Variants in IK observed in about 807,000 individuals in gnomAD.
IK encodes protein Red.
In IK, 47 loss-of-function variants were observed where a neutral mutation model predicts 90.9. The observed-to-expected ratio is 0.52, with a 90% CI of 0.41 to 0.66. The LOEUF (loss-of-function observed/expected upper bound fraction) is 0.66. Ranked by LOEUF, IK falls within the 30% of genes least tolerant of loss-of-function variation. The pLI is 0.00. For missense variants in IK, 385 were observed against 709.3 expected (o/e 0.54, Z 5.19); for synonymous variants, 201 against 227.5 (o/e 0.88, Z 1.05).
intron 10 of IK, 77 bp downstream of exon 10, chr5:140,657,739 C>T: frequency 1.1e-6 from 1 of 897,476 alleles, no homozygotes; most frequent in Middle Eastern, 2.2e-4. Flanking sequence ...CTGGAGCTTT[C>T]TGTCTCCAGA....
In IK at chr5:140,661,377, GGAGA is replaced by G. The variant is rs1757801212; in HGVS notation, c.1414-240_1414-237del. 2 of 454,702 alleles carry G rather than the reference GGAGA, an allele frequency of 4.4e-6. No individual in the cohort carries two copies. The highest frequency in any genetic ancestry group is 4.0e-5 in the African/African-American group (2 of 49,494). The allele number at this position is 454,702 out of a possible 1,614,324, so 28.2% of individuals were successfully genotyped here. On this transcript the variant is annotated intron_variant, in intron 16 of 19. Transcript: ENST00000417647. The surrounding 1 kb of genome is among the most constrained non-coding windows in gnomAD (Gnocchi z 4.2). ...GCCTCAGTTTCCTCATCAGGAAAAT[GGAGA>G]GAAATATAGTTCCCTCTTCATAGAT...
intron 9 of IK, among the ~76,000 whole-genome samples, chr5:140,656,658 ATATT>A (rs1757716123): frequency 6.6e-6 from 1 of 152,188 alleles, no homozygotes; most frequent in African/African-American, 2.4e-5. Context: ...GTAGGTATAT[ATATT>A]TATGAGGTAC....
rs932944540 is a variant in IK, at chr5:140,652,646, G to T, written c.237-331G>T. Among the ~76,000 whole-genome samples, 106 of 152,230 alleles carry T rather than the reference G, an allele frequency of 7.0e-4. 2 individuals are homozygous for T. Among genetic ancestry groups the T allele is most frequent in the Admixed American group, 6.9e-3 (105 of 15,306 alleles). On this transcript the variant is annotated intron_variant, in intron 4 of 19. Transcript: ENST00000417647. ...CGTTCTTTTCAGCTGAAATTTAGAAGGTGGTAAAAATTCAGAAGATTTTCT... is the reference window on the plus strand; with the variant it reads ...CGTTCTTTTCAGCTGAAATTTAGAATGTGGTAAAAATTCAGAAGATTTTCT...
chr5:140,654,457 A>G (rs1036196549), intron 6 of IK, 59 bp from the exon 7 acceptor site: 2 of 1,247,954 alleles, frequency 1.6e-6, no homozygotes, highest in African/African-American at 1.5e-5. Flanking sequence ...AGTGTGGTGT[A>G]GTGGATGTTC....
intron 2 of IK, among the ~76,000 whole-genome samples, chr5:140,650,236 A>G (rs1757592558): frequency 6.6e-6 from 1 of 152,084 alleles, no homozygotes; most frequent in South Asian, 2.1e-4. Context: ...AATGGTCTTG[A>G]CTCTTGTTAC....
At chr5:140,648,741 G>GT (rs56094200) in intron 2 of IK, 77,969 of 458,364 alleles carry the variant, frequency 0.17, 1 homozygote, top group South Asian at 0.23. Context: ...AAGGTGTTAA[G>GT]TTTTTTTTTT....
chr5:140,656,028 G>A, intron 9 of IK, 36 bp downstream of exon 9: 1 of 1,546,370 alleles, frequency 6.5e-7, no homozygotes, highest in Non-Finnish European at 8.7e-7. Flanking sequence ...TATCATGTGA[G>A]CCTCAAGCCT....
chr5:140,661,581 T>G lies in IK; in HGVS notation c.1414-39T>G, dbSNP rs1324992003. ...GGCTGAAATTCCATTTCCACTGACATCTCTTCCTTCCCCATCCCCCGATTC... is the reference window on the plus strand; with the variant it reads ...GGCTGAAATTCCATTTCCACTGACAGCTCTTCCTTCCCCATCCCCCGATTC... On this transcript the variant is annotated intron_variant, in intron 16 of 19. Coordinates refer to ENST00000417647, the MANE Select transcript of IK (RefSeq NM_006083.4). The surrounding 1 kb of genome is among the most constrained non-coding windows in gnomAD (Gnocchi z 4.2). 2.1e-6 allele frequency: 3 copies of G among 1,415,000 alleles called. No individual in the cohort carries two copies. The highest frequency in any genetic ancestry group is 1.4e-5 in the African/African-American group (1 of 70,640). 87.7% of individuals were successfully genotyped at this position (1,415,000 alleles called of 1,614,324 possible).
At chr5:140,651,947 T>G in intron 3 of IK, 141 bp downstream of exon 3, 1 of 825,962 alleles carries the variant, frequency 1.2e-6, no homozygotes, top group Non-Finnish European at 2.1e-6. Flanking sequence ...CACCTACAAA[T>G]ATTGGTGTGG....
At chr5:140,657,235 C>T (rs1305829262) in intron 9 of IK, among the ~76,000 whole-genome samples, 1 of 152,134 alleles carries the variant, frequency 6.6e-6, no homozygotes, top group African/African-American at 2.4e-5. Context: ...ATTTTTGTCT[C>T]ACTACAGTTT....
At position 140,648,565 on chromosome 5, in the gene IK, A is replaced by AGGG. The variant is rs759891472; in HGVS notation, c.83+28_83+29insGGG. ...GAGTATTTTGTGCTAGGACCATGGA[A>AGGG]ATGAGTTGGGCAATGAATAGAAAAG... On this transcript the variant is annotated intron_variant, in intron 2 of 19. Coordinates refer to ENST00000417647, the MANE Select transcript of IK (RefSeq NM_006083.4). 46 of 1,599,710 alleles carry AGGG rather than the reference A, an allele frequency of 2.9e-5. No individual in the cohort carries two copies. The African/African-American group carries it at 6.0e-4, about 21-fold the overall frequency.
chr5:140,656,819 C>G (rs961668679), intron 9 of IK, among the ~76,000 whole-genome samples: 2 of 152,188 alleles, frequency 1.3e-5, no homozygotes, highest in Non-Finnish European at 2.9e-5. Flanking sequence ...TTATTACTGC[C>G]TATAGTCACC....
At position 140,661,808 on chromosome 5, in the gene IK, C is replaced by T; in HGVS notation, c.1503-91C>T. 7.1e-7 allele frequency: 1 copy of T among 1,401,550 alleles called. No individual in the cohort carries two copies. Among genetic ancestry groups the T allele is most frequent in the Non-Finnish European group, 9.9e-7 (1 of 1,009,060 alleles). The allele number at this position is 1,401,550 out of a possible 1,614,324, so 86.8% of individuals were successfully genotyped here. On this transcript the variant is annotated intron_variant, in intron 17 of 19. Transcript: ENST00000417647. This position sits in a 1 kb window ranked among gnomAD's most constrained non-coding sequence, Gnocchi z 4.2. ...GAGGGTGTGGTCTGGCTGAGATGTT[C>T]CCCACTAAGTTCTTTGCCCACAGGA...
chr5:140,654,825 C>T (rs955773060), intron 8 of IK, 98 bp downstream of exon 8: 8 of 793,376 alleles, frequency 1.0e-5, no homozygotes, highest in African/African-American at 1.7e-5. Flanking sequence ...CCCCAACCTC[C>T]TTTCTTCTTT....
Position 140,653,030 on chromosome 5 carries a change from A to G in IK, c.290A>G (p.Glu97Gly), listed in dbSNP as rs1335961467. Residue 97 changes from glutamate (E) to glycine (G), a missense_variant, in exon 5 of 20, where the codon GAG becomes GGG. This residue lies in a region of IK where 64 missense variants were observed against 144.6 expected (regional missense o/e 0.44). Coordinates refer to ENST00000417647, the MANE Select transcript of IK (RefSeq NM_006083.4). Reference sequence around the variant, plus strand: ...ATTGAGAGAGAGAGAGAGCTAGCAGAGAAGTACCGGGATCGTGCCAAGGAA... The same window carrying G: ...ATTGAGAGAGAGAGAGAGCTAGCAGGGAAGTACCGGGATCGTGCCAAGGAA... ...QEIERERELA[E>G]KYRDRAKERR... The G allele has an allele frequency of 6.2e-7, 1 of 1,613,972 alleles. No homozygotes were observed. The highest frequency in any genetic ancestry group is 2.2e-5 in the East Asian group (1 of 44,884).
Position 140,654,372 on chromosome 5 carries a change from C to T in IK, c.520-144C>T. 4 of 690,354 alleles carry T rather than the reference C, an allele frequency of 5.8e-6. No homozygotes were observed. In the South Asian group the frequency reaches 7.6e-5, roughly 13 times the overall value. The allele number at this position is 690,354 out of a possible 1,614,324, so 42.8% of individuals were successfully genotyped here. A position where few individuals can be genotyped will look rare whatever the true frequency, so the allele number is the denominator to read the frequency against. On this transcript the variant is annotated intron_variant, in intron 6 of 19. Coordinates refer to ENST00000417647, the MANE Select transcript of IK (RefSeq NM_006083.4). Reference sequence around the variant, plus strand: ...TGTTGAAATTGTTTAATTTGTCTGTCTCATCTGCTATAAGCTCCATTAGAG... The same window carrying T: ...TGTTGAAATTGTTTAATTTGTCTGTTTCATCTGCTATAAGCTCCATTAGAG...
At chr5:140,654,095 AATGCTCT>A in intron 6 of IK, 43 bp downstream of exon 6, 1 of 1,123,284 alleles carries the variant, frequency 8.9e-7, no homozygotes, top group Non-Finnish European at 1.4e-6. Flanking sequence ...TGTCGTGCTG[AATGCTCT>A]TGTATGGGTC....
At chr5:140,662,246 G>A in intron 19 of IK, 33 bp downstream of exon 19, 1 of 1,613,966 alleles carries the variant, frequency 6.2e-7, no homozygotes, top group Non-Finnish European at 8.5e-7. Flanking sequence ...TGTGGGACTG[G>A]TGGGAATTGC....
chr5:140,658,885 G>A, intron 11 of IK, 54 bp from the exon 12 acceptor site: 1 of 1,605,946 alleles, frequency 6.2e-7, no homozygotes, highest in Non-Finnish European at 8.5e-7. Flanking sequence ...AATGGTCAGG[G>A]GGAGTGAAGG....
Sources: gnomAD v4.1 joint callset for allele counts (sites outside exome capture counted in the v4.1 genomes callset) on GRCh38, gnomAD v4.1.1 for gene constraint, gnomAD v4.1.1 regional missense constraint, Gnocchi (gnomAD v3.1) non-coding constraint, MANE v1.5 for transcripts, NCBI Gene and HGNC (gene_info 2026-07-23, HGNC 2026-07-21) for gene names.